ENTREP1: variants seen among roughly 807,000 people sequenced by gnomAD.
ENTREP1 encodes the protein Friedreich ataxia region gene X123.
chr9:69,357,986 T>C, the ENTREP1 span, among the ~76,000 whole-genome samples: 1 of 152,168 alleles, frequency 6.6e-6, no homozygotes, highest in African/African-American at 2.4e-5. Context: ...TCCTGTGCCA[T>C]TTGTCTTATT....
the ENTREP1 span, among the ~76,000 whole-genome samples, chr9:69,373,933 A>G: frequency 6.6e-6 from 1 of 152,152 alleles, no homozygotes; most frequent in Admixed American, 6.6e-5. Flanking sequence ...AACAATTTCT[A>G]TACTCCAAAC....
At chr9:69,362,034 T>C in the ENTREP1 span, among the ~76,000 whole-genome samples, 1 of 152,178 alleles carries the variant, frequency 6.6e-6, no homozygotes, top group African/African-American at 2.4e-5. Context: ...CAATTCACCA[T>C]TTAAAACCTA....
At chr9:69,341,968 T>G in the ENTREP1 span, among the ~76,000 whole-genome samples, 2 of 152,110 alleles carry the variant, frequency 1.3e-5, no homozygotes, top group Non-Finnish European at 2.9e-5. Flanking sequence ...GAATAATATT[T>G]TAAGATTCCT....
the ENTREP1 span, chr9:69,387,997 T>TTATAGG: frequency 1.3e-6 from 2 of 1,550,750 alleles, no homozygotes; most frequent in African/African-American, 2.7e-5. Flanking sequence ...TAACCTTGTG[T>TTATAGG]TGTTTTCCCT....
the ENTREP1 span, chr9:69,382,051 G>A: frequency 0.42 from 63,521 of 152,292 alleles, 13,754 homozygotes; most frequent in African/African-American, 0.54. Context: ...ACACAGCAGC[G>A]AAGAAATACA....
At chr9:69,378,418 C>A in the ENTREP1 span, among the ~76,000 whole-genome samples, 1 of 152,092 alleles carries the variant, frequency 6.6e-6, no homozygotes, top group African/African-American at 2.4e-5. Flanking sequence ...AGTGAAATGC[C>A]GCATACATCT....
the ENTREP1 span, chr9:69,336,227 A>G: frequency 6.3e-7 from 1 of 1,576,762 alleles, no homozygotes. Context: ...TACTCTCTGG[A>G]ATCATAGGAT....
chr9:69,391,496 A>G, the ENTREP1 span: 3 of 912,358 alleles, frequency 3.3e-6, no homozygotes, highest in African/African-American at 5.0e-5. Flanking sequence ...TTCTTTTTCA[A>G]AGCAATTACA....
At chr9:69,389,849 G>T in the ENTREP1 span, among the ~76,000 whole-genome samples, 2 of 152,154 alleles carry the variant, frequency 1.3e-5, no homozygotes, top group Non-Finnish European at 2.9e-5. Flanking sequence ...CTAGATCTTT[G>T]TGCCCCAGGC....
chr9:69,340,625 A>ATGCATG, the ENTREP1 span, among the ~76,000 whole-genome samples: 2,366 of 63,446 alleles, frequency 0.037, 66 homozygotes, highest in South Asian at 0.11. Flanking sequence ...GTGTGTGTGC[A>ATGCATG]TGTGTGTGTG....
chr9:69,380,274 AT>A, the ENTREP1 span: 1 of 152,264 alleles, frequency 6.6e-6, no homozygotes, highest in East Asian at 1.9e-4. Context: ...CCTATCAAAA[AT>A]ATTTCACAAT....
the ENTREP1 span, among the ~76,000 whole-genome samples, chr9:69,352,609 G>A: frequency 0.79 from 120,916 of 152,176 alleles, 48,164 homozygotes; most frequent in South Asian, 0.87. Flanking sequence ...GAGAGGTTAA[G>A]TGATTTGCCC....
At chr9:69,377,284 G>T in the ENTREP1 span, 1 of 859,510 alleles carries the variant, frequency 1.2e-6, no homozygotes, top group African/African-American at 1.7e-5. Flanking sequence ...TGGAGGCAGC[G>T]TTATTATTAT....
At chr9:69,391,691 G>GACCTTCAC in the ENTREP1 span, 46 of 1,614,050 alleles carry the variant, frequency 2.8e-5, no homozygotes, top group Admixed American at 6.8e-4. Flanking sequence ...GAGCTGCGGC[G>GACCTTCAC]ACCTTCACAC....
chr9:69,391,781 G>A, the ENTREP1 span: 6 of 1,609,294 alleles, frequency 3.7e-6, no homozygotes, highest in Admixed American at 8.4e-5. Context: ...CCTCATTGGG[G>A]TCATCCGAGA....
chr9:69,331,217 T>G, the ENTREP1 span, among the ~76,000 whole-genome samples: 1 of 152,236 alleles, frequency 6.6e-6, no homozygotes, highest in Non-Finnish European at 1.5e-5. Flanking sequence ...CAACATGGCT[T>G]TTTAAAAATC....
chr9:69,331,264 C>G, the ENTREP1 span, among the ~76,000 whole-genome samples: 1 of 152,130 alleles, frequency 6.6e-6, no homozygotes, highest in Non-Finnish European at 1.5e-5. Context: ...ATAAATGATT[C>G]AGAACATTTT....
the ENTREP1 span, among the ~76,000 whole-genome samples, chr9:69,384,800 T>C: frequency 1.3e-5 from 2 of 152,270 alleles, no homozygotes; most frequent in African/African-American, 4.8e-5. Flanking sequence ...TCAGCAGTAC[T>C]ATTTGTAATG....
At chr9:69,339,112 T>G in the ENTREP1 span, among the ~76,000 whole-genome samples, 2 of 152,124 alleles carry the variant, frequency 1.3e-5, no homozygotes, top group African/African-American at 2.4e-5. Flanking sequence ...CTCAAACTCC[T>G]GGGCTCAAGG....
Sources: gnomAD v4.1 joint callset for allele counts (sites outside exome capture counted in the v4.1 genomes callset) on GRCh38, gnomAD v4.1.1 for gene constraint, MANE v1.5 for transcripts, NCBI Gene and HGNC (gene_info 2026-07-23, HGNC 2026-07-21) for gene names.